ATP11B: variants seen among roughly 807,000 people sequenced by gnomAD.
The protein encoded by ATP11B is phospholipid-transporting ATPase IF.
ATP11B carries 81 observed loss-of-function variants against 157.8 expected under a neutral mutation model. That is an observed-to-expected ratio of 0.51 (90% CI 0.43 to 0.62). The LOEUF is 0.62. ATP11B is among the 20% of genes least tolerant of loss of function. The probability of loss-of-function intolerance (pLI) is 0.00; values close to 1 mark genes in which losing one functional copy is unlikely to be tolerated. For synonymous variants in ATP11B, 451 were observed against 469.4 expected, an observed-to-expected ratio of 0.96 and a Z score of 0.51; for missense variants, 1,165 against 1,402.2, an observed-to-expected ratio of 0.83 and a Z score of 2.70.
intron 1 of ATP11B, among the ~76,000 whole-genome samples, 180 bp downstream of exon 1, chr3:182,793,966 C>G (rs1042099014): frequency 6.6e-6 from 1 of 151,916 alleles, no homozygotes; most frequent in African/African-American, 2.4e-5. Context: ...CTCCCGGGCT[C>G]GTCTCGCCTC....
At chr3:182,829,946 T>C in intron 4 of ATP11B, 194 bp downstream of exon 4, 1 of 985,320 alleles carries the variant, frequency 1.0e-6, no homozygotes, top group Non-Finnish European at 1.2e-6. Context: ...CATGGAATGA[T>C]TAACATCGTT....
At chr3:182,812,115 G>A (rs1716705545) in intron 1 of ATP11B, among the ~76,000 whole-genome samples, 1 of 151,860 alleles carries the variant, frequency 6.6e-6, no homozygotes, top group Admixed American at 6.6e-5. Flanking sequence ...ATTTTTTAAT[G>A]TTGTTTAGAA....
chr3:182,869,043 T>C (rs757655410), intron 15 of ATP11B, 35 bp from the exon 16 acceptor site: 3 of 1,433,728 alleles, frequency 2.1e-6, no homozygotes, highest in South Asian at 2.5e-5. Flanking sequence ...TTAAAAAAAG[T>C]AAAGTTTTTG....
At chr3:182,877,896 G>T (rs995445801) in intron 19 of ATP11B, among the ~76,000 whole-genome samples, 4 of 152,112 alleles carry the variant, frequency 2.6e-5, no homozygotes, top group Admixed American at 2.6e-4. Context: ...CATGAAGCCT[G>T]TCCAGAGGAA....
chr3:182,800,244 T>C (rs945284472), intron 1 of ATP11B, among the ~76,000 whole-genome samples: 1 of 152,056 alleles, frequency 6.6e-6, no homozygotes, highest in Non-Finnish European at 1.5e-5. Context: ...TTTTTTGAGA[T>C]AAGGCCTCAC....
chr3:182,802,573 A>T (rs1716082354), intron 1 of ATP11B, among the ~76,000 whole-genome samples: 1 of 152,154 alleles, frequency 6.6e-6, no homozygotes, highest in Non-Finnish European at 1.5e-5. Flanking sequence ...TCTACCTGGA[A>T]TGTTCTTCCT....
At chr3:182,797,814 G>A (rs1715725562) in intron 1 of ATP11B, among the ~76,000 whole-genome samples, 1 of 152,048 alleles carries the variant, frequency 6.6e-6, no homozygotes, top group East Asian at 1.9e-4. Flanking sequence ...TAAATTTTTG[G>A]AATTTTGTTT....
intron 4 of ATP11B, among the ~76,000 whole-genome samples, chr3:182,831,296 A>G (rs549686283): frequency 6.6e-6 from 1 of 152,144 alleles, no homozygotes; most frequent in South Asian, 2.1e-4. Flanking sequence ...TTTTATCCCT[A>G]CCTTCAAGAT....
At chr3:182,908,758 A>G (rs1352338843) in intron 28 of ATP11B, among the ~76,000 whole-genome samples, 1 of 152,218 alleles carries the variant, frequency 6.6e-6, no homozygotes, top group Admixed American at 6.5e-5. Context: ...GATGAAGCTC[A>G]TTACTTGTTT....
At position 182,869,235 on chromosome 3, in the gene ATP11B, G is replaced by C; in HGVS notation, c.1770G>C (p.Lys590Asn). 6.2e-7 allele frequency: 1 copy of C among 1,607,822 alleles called. No individual in the cohort carries two copies. Among genetic ancestry groups the C allele is most frequent in the Non-Finnish European group, 8.5e-7 (1 of 1,176,820 alleles). Residue 590 changes from lysine (K) to asparagine (N), a missense_variant, in exon 17 of 30, where the codon AAG becomes AAC. Lys to Asn is a moderately conservative substitution (Grantham distance 94). This residue lies in a region of ATP11B where 737 missense variants were observed against 930.5 expected (regional missense o/e 0.79). Coordinates refer to ENST00000323116, the MANE Select transcript of ATP11B (RefSeq NM_014616.3). Reference sequence around the variant, plus strand: ...CATTTTTTTTGTCTCTAGGTGAGAAGTTATTATTTGCTAAAGGAGCTGAGT... The same window carrying C: ...CATTTTTTTTGTCTCTAGGTGAGAACTTATTATTTGCTAAAGGAGCTGAGT... ...SVIVQAPSGEKLLFAKGAESS... is the reference protein window; with the variant it reads ...SVIVQAPSGENLLFAKGAESS...
rs980863918 is a variant in ATP11B, at chr3:182,919,562, T to TATTA, written c.*1460_*1463dup. Reference sequence around the variant, plus strand: ...TCTAAGCAAATAATGATTGTATACATATTAAGATAATGGTTAAATGCGGTT... The same window carrying TATTA: ...TCTAAGCAAATAATGATTGTATACATATTAATTAAGATAATGGTTAAATGCGGTT... On this transcript the variant is annotated 3_prime_UTR_variant, in exon 30 of 30. Coordinates refer to ENST00000323116, the MANE Select transcript of ATP11B (RefSeq NM_014616.3). 1 of 152,398 alleles carries TATTA rather than the reference T, an allele frequency of 6.6e-6. No homozygotes were observed. Among genetic ancestry groups the TATTA allele is most frequent in the Admixed American group, 6.5e-5 (1 of 15,276 alleles). 9.4% of individuals were successfully genotyped at this position (152,398 alleles called of 1,614,324 possible). A position where few individuals can be genotyped will look rare whatever the true frequency, so the allele number is the denominator to read the frequency against.
intron 25 of ATP11B, among the ~76,000 whole-genome samples, chr3:182,893,702 A>G (rs1032078095): frequency 6.6e-6 from 1 of 152,144 alleles, no homozygotes; most frequent in Non-Finnish European, 1.5e-5. Context: ...CTCTGGGTAG[A>G]TAGAAGGAGT....
chr3:182,877,813 CG>C (rs1317647378), intron 19 of ATP11B, among the ~76,000 whole-genome samples: 1 of 152,156 alleles, frequency 6.6e-6, no homozygotes, highest in African/African-American at 2.4e-5. Flanking sequence ...ATGCTACCTA[CG>C]TGCCAGAGAT....
intron 25 of ATP11B, among the ~76,000 whole-genome samples, chr3:182,890,142 T>C (rs916873068): frequency 2.6e-5 from 4 of 151,986 alleles, no homozygotes; most frequent in Non-Finnish European, 5.9e-5. Context: ...AACAGTACAC[T>C]GTTACACTGT....
intron 9 of ATP11B, among the ~76,000 whole-genome samples, chr3:182,848,059 A>G (rs1719672236): frequency 6.6e-6 from 1 of 152,198 alleles, no homozygotes; most frequent in African/African-American, 2.4e-5. Context: ...CGATTCCAGC[A>G]TTCAGGGCTT....
chr3:182,919,664 T>C lies in ATP11B; in HGVS notation c.*1560T>C, dbSNP rs530233486. The C allele has an allele frequency of 6.6e-6, 1 of 152,300 alleles. No homozygotes were observed. The highest frequency in any genetic ancestry group is 2.1e-4 in the South Asian group (1 of 4,834). 9.4% of individuals were successfully genotyped at this position (152,300 alleles called of 1,614,324 possible). A position where few individuals can be genotyped will look rare whatever the true frequency, so the allele number is the denominator to read the frequency against. ...AGCCCTAAGCTTCCTTCCCATTTCA[T>C]GAATATAAGGCTTCTAGAATTGGAC... On this transcript the variant is annotated 3_prime_UTR_variant, in exon 30 of 30. Coordinates refer to ENST00000323116, the MANE Select transcript of ATP11B (RefSeq NM_014616.3).
rs1560136429 is a variant in ATP11B at position 182,913,970 on chromosome 3, G to A, written c.3428G>A (p.Arg1143Lys). 1 of 1,614,050 alleles carries A rather than the reference G, an allele frequency of 6.2e-7. No homozygotes were observed. Among genetic ancestry groups the A allele is most frequent in the East Asian group, 2.2e-5 (1 of 44,878 alleles). ...VGRMLERVIG[R>K]CSPTHISRSW... ...AGAATGCTGGAACGAGTTATAGGAA[G>A]ATGTAGTCCAACCCACATCAGCAGG... The change falls in exon 29 of 30, where the codon AGA becomes AAA. Residue 1143 changes from arginine (R) to lysine (K), a missense_variant. By Grantham distance (26) the Arg-to-Lys change is conservative. Transcript: ENST00000323116.
intron 12 of ATP11B, among the ~76,000 whole-genome samples, chr3:182,864,949 C>G (rs1721116709): frequency 6.6e-6 from 1 of 151,800 alleles, no homozygotes; most frequent in African/African-American, 2.4e-5. Flanking sequence ...AATTTGTTTT[C>G]TGTCCTCAGT....
At chr3:182,806,612 T>C (rs1263332931) in intron 1 of ATP11B, among the ~76,000 whole-genome samples, 1 of 152,220 alleles carries the variant, frequency 6.6e-6, no homozygotes, top group Non-Finnish European at 1.5e-5. Context: ...GTTTTCACTG[T>C]AGTTTATCCT....
Sources: allele counts gnomAD v4.1 joint callset (sites outside exome capture counted in the v4.1 genomes callset), GRCh38; gene constraint gnomAD v4.1.1; regional missense constraint gnomAD v4.1.1; transcripts MANE v1.5; gene names NCBI Gene and HGNC (gene_info 2026-07-23, HGNC 2026-07-21).